CHST9: variants seen among roughly 807,000 people sequenced by gnomAD.
The protein encoded by CHST9 is carbohydrate sulfotransferase 9.
A neutral mutation model predicts 44.4 loss-of-function variants in CHST9; 41 were observed. The ratio of observed to expected loss-of-function variants is 0.92; its 90% confidence interval spans 0.72 to 1.20. The LOEUF (loss-of-function observed/expected upper bound fraction) is 1.20. CHST9 is among the 50% of genes most tolerant of loss of function. CHST9 has a pLI of 0.00. For missense variants in CHST9, 504 were observed against 516.5 expected (o/e 0.98, Z 0.23); for synonymous variants, 171 against 178.4 (o/e 0.96, Z 0.33).
At chr18:26,966,382 G>A (rs949088709) in intron 4 of CHST9, among the ~76,000 whole-genome samples, 1 of 152,182 alleles carries the variant, frequency 6.6e-6, no homozygotes, top group African/African-American at 2.4e-5. Flanking sequence ...TGGTGTCTTA[G>A]ACCCCAAAGC....
At chr18:27,130,608 T>C (rs1392664984) in intron 2 of CHST9, among the ~76,000 whole-genome samples, 5 of 152,190 alleles carry the variant, frequency 3.3e-5, no homozygotes, top group African/African-American at 9.6e-5. Context: ...CAGCCCCTTA[T>C]AGCAGCTTTC....
intron 4 of CHST9, among the ~76,000 whole-genome samples, chr18:27,017,500 A>C (rs1016842566): frequency 6.6e-6 from 1 of 152,242 alleles, no homozygotes; most frequent in South Asian, 2.1e-4. Context: ...GCCTTTACAA[A>C]GTACATGCTG....
Position 27,024,802 on chromosome 18 carries a change from T to C in CHST9, c.161-645A>G, listed in dbSNP as rs75843217. Among the ~76,000 whole-genome samples, 1,029 of 152,262 alleles carry C rather than the reference T, an allele frequency of 6.8e-3. 10 individuals are homozygous for C. The highest frequency in any genetic ancestry group is 0.023 in the African/African-American group (976 of 41,574). ...AAGTTTATTCTGTAGTAAACAGCTA[T>C]AAGAAAGAAATCTTAAGGTTTTCCT... On this transcript the variant is annotated intron_variant, in intron 3 of 5. Transcript: ENST00000618847.
At chr18:27,181,195 T>G (rs935077722) in intron 1 of CHST9, among the ~76,000 whole-genome samples, 8 of 152,210 alleles carry the variant, frequency 5.3e-5, no homozygotes, top group Non-Finnish European at 1.2e-4. Context: ...TTCTAAATTC[T>G]AACAGTCCAC....
At chr18:27,047,320 T>A (rs2057513209) in intron 3 of CHST9, among the ~76,000 whole-genome samples, 1 of 151,594 alleles carries the variant, frequency 6.6e-6, no homozygotes, top group South Asian at 2.1e-4. Context: ...AAATAATTTC[T>A]CCCCCAAGGA....
chr18:27,105,910 GA>G (rs2058217136), intron 2 of CHST9, among the ~76,000 whole-genome samples: 1 of 152,094 alleles, frequency 6.6e-6, no homozygotes. Flanking sequence ...TCAAATGTAG[GA>G]AGTTGGAAAA....
chr18:27,021,578 T>G (rs1180914793), intron 4 of CHST9, among the ~76,000 whole-genome samples: 1 of 152,192 alleles, frequency 6.6e-6, no homozygotes, highest in Non-Finnish European at 1.5e-5. Flanking sequence ...TGGCTGTACC[T>G]GCAAACTCAT....
intron 2 of CHST9, among the ~76,000 whole-genome samples, chr18:27,123,170 T>C (rs75004944): frequency 0.011 from 1,610 of 152,292 alleles, 24 homozygotes; most frequent in African/African-American, 0.034. Context: ...TCTATTCCAA[T>C]GATGCATGCA....
chr18:27,107,586 T>A lies in CHST9; in HGVS notation c.121+35103A>T, dbSNP rs2058232374. 2.0e-5 allele frequency among the ~76,000 whole-genome samples: 3 copies of A among 152,154 alleles called. 1 individual carries two copies. In the South Asian group the frequency reaches 6.2e-4, roughly 32 times the overall value. ...AGCTAGAATAAAAGCCCTGAAAACTTTTGTCTTCCTAGTGTGCTTCCTATC... is the reference window on the plus strand; with the variant it reads ...AGCTAGAATAAAAGCCCTGAAAACTATTGTCTTCCTAGTGTGCTTCCTATC... On this transcript the variant is annotated intron_variant, in intron 2 of 5. Transcript: ENST00000618847.
rs542083296 is a variant in CHST9 at position 27,051,973 on chromosome 18, A to G, written c.122-3470T>C. ...TGAGGATGAAACAATTCCATATGGT[A>G]AAGCTAGCAAGAAATGGACAAAATT... On this transcript the variant is annotated intron_variant, in intron 2 of 5. Coordinates refer to ENST00000618847, the MANE Select transcript of CHST9 (RefSeq NM_031422.6). 2.6e-5 allele frequency among the ~76,000 whole-genome samples: 4 copies of G among 152,306 alleles called. No homozygotes were observed. The South Asian group carries it at 6.2e-4, about 24-fold the overall frequency.
In CHST9 at chr18:26,909,918, A is replaced by C. The variant is rs1296198418; in HGVS notation, c.*6341T>G. The stretch of plus-strand genomic sequence containing the variant: ...AAGTAGGGTGGAGAGGCATGTTATA[A>C]ATCAGAAAGAAGAATCTTCGGAGAA... On this transcript the variant is annotated 3_prime_UTR_variant, in exon 6 of 6. Coordinates refer to ENST00000618847, the MANE Select transcript of CHST9 (RefSeq NM_031422.6). 1 of 152,240 alleles carries C rather than the reference A, an allele frequency of 6.6e-6. No homozygotes were observed. Among genetic ancestry groups the C allele is most frequent in the African/African-American group, 2.4e-5 (1 of 41,446 alleles). The allele number at this position is 152,240 out of a possible 1,614,324, so 9.4% of individuals were successfully genotyped here.
intron 2 of CHST9, among the ~76,000 whole-genome samples, chr18:27,064,415 C>T (rs536287593): frequency 6.6e-6 from 1 of 152,190 alleles, no homozygotes; most frequent in South Asian, 2.1e-4. Context: ...CTGTTCCGCA[C>T]GCATCAGAGC....
Position 26,917,133 on chromosome 18 carries a change from A to C in CHST9, c.458T>G (p.Val153Gly), listed in dbSNP as rs768279846. 3.7e-6 allele frequency: 6 copies of C among 1,613,936 alleles called. 1 individual carries two copies. In the South Asian group the frequency reaches 5.5e-5, roughly 15 times the overall value. ...FNKFSNMNWP[V>G]DIHPLNKSLV... ...ACTTTTGTTTAAAGGGTGAATGTCC[A>C]CTGGCCAATTCATGTTGCTGAACTT... The change falls in exon 6 of 6, where the codon GTG (valine) becomes GGG (glycine). Residue 153 changes from valine to glycine, a missense_variant. Coordinates refer to ENST00000618847, the MANE Select transcript of CHST9 (RefSeq NM_031422.6).
intron 2 of CHST9, among the ~76,000 whole-genome samples, chr18:27,059,080 G>GA (rs2057691717): frequency 6.6e-6 from 1 of 151,788 alleles, no homozygotes; most frequent in Non-Finnish European, 1.5e-5. Flanking sequence ...TCCTTTTCAT[G>GA]AAAAAAGAAT....
intron 2 of CHST9, among the ~76,000 whole-genome samples, chr18:27,062,448 G>T (rs1260905881): frequency 6.6e-6 from 1 of 152,138 alleles, no homozygotes; most frequent in Non-Finnish European, 1.5e-5. Context: ...TGCTGAGAAT[G>T]ATGGTTTCCA....
intron 4 of CHST9, among the ~76,000 whole-genome samples, chr18:26,992,661 A>G (rs377642229): frequency 6.1e-4 from 93 of 152,052 alleles, no homozygotes; most frequent in African/African-American, 2.1e-3. Context: ...GTGCCTTGAT[A>G]TCAGACCTTA....
At chr18:27,011,063 C>A (rs780815929) in intron 4 of CHST9, among the ~76,000 whole-genome samples, 9 of 152,044 alleles carry the variant, frequency 5.9e-5, no homozygotes, top group Non-Finnish European at 1.3e-4. Context: ...GCTTGAGAAG[C>A]CCTGGCATGG....
intron 2 of CHST9, among the ~76,000 whole-genome samples, chr18:27,054,982 TA>T (rs1236691345): frequency 2.0e-5 from 3 of 152,182 alleles, no homozygotes; most frequent in Non-Finnish European, 4.4e-5. Context: ...TCCATCTTTT[TA>T]TAATAAAGTC....
intron 2 of CHST9, among the ~76,000 whole-genome samples, chr18:27,081,702 T>C (rs2057962510): frequency 6.6e-6 from 1 of 152,230 alleles, no homozygotes; most frequent in East Asian, 1.9e-4. Context: ...TTTCATAATA[T>C]ATCCAGTTTC....
Sources: allele counts gnomAD v4.1 joint callset (sites outside exome capture counted in the v4.1 genomes callset), GRCh38; gene constraint gnomAD v4.1.1; transcripts MANE v1.5; gene names NCBI Gene and HGNC (gene_info 2026-07-23, HGNC 2026-07-21).